Variants in GABARAPL1 observed in about 807,000 individuals in gnomAD.
The protein encoded by GABARAPL1 is GABA type A receptor associated protein like 1.
GABARAPL1 carries 4 observed loss-of-function variants against 14.5 expected under a neutral mutation model. That is an observed-to-expected ratio of 0.28 (90% CI 0.14 to 0.63). The LOEUF (loss-of-function observed/expected upper bound fraction) is 0.63. GABARAPL1 is among the 30% of genes least tolerant of loss of function. GABARAPL1 has a pLI of 0.84. For synonymous variants in GABARAPL1, 47 were observed against 50.6 expected, an observed-to-expected ratio of 0.93 and a Z score of 0.30; for missense variants, 82 against 139.2, an observed-to-expected ratio of 0.59 and a Z score of 2.07.
intron 1 of GABARAPL1, among the ~76,000 whole-genome samples, chr12:10,215,381 A>G (rs138264228): frequency 6.6e-6 from 1 of 152,334 alleles, no homozygotes; most frequent in African/African-American, 2.4e-5. Flanking sequence ...ATTATCTTCA[A>G]AGATACAACA....
At chr12:10,221,209 T>A in intron 3 of GABARAPL1, 1 of 976,240 alleles carries the variant, frequency 1.0e-6, no homozygotes, top group South Asian at 4.7e-5. Flanking sequence ...TAAGGCAAAG[T>A]CTGTAAATGG....
Position 10,213,030 on chromosome 12 carries a change from T to G in GABARAPL1, c.-100T>G. ...CCCCCGGAGCGGACGTTTCTGCAGC[T>G]ATTCTGAGCACACCTTGACGTCGGC... On this transcript the variant is annotated 5_prime_UTR_variant, in exon 1 of 4. Coordinates refer to ENST00000266458, the MANE Select transcript of GABARAPL1 (RefSeq NM_031412.4). 2.9e-6 allele frequency: 2 copies of G among 678,554 alleles called. No individual in the cohort carries two copies. Among genetic ancestry groups the G allele is most frequent in the Non-Finnish European group, 5.3e-6 (2 of 377,962 alleles). The allele number at this position is 678,554 out of a possible 1,614,324, so 42.0% of individuals were successfully genotyped here. A position where few individuals can be genotyped will look rare whatever the true frequency, so the allele number is the denominator to read the frequency against.
chr12:10,216,360 A>T (rs1163241274), intron 1 of GABARAPL1, among the ~76,000 whole-genome samples: 2 of 151,724 alleles, frequency 1.3e-5, no homozygotes, highest in Admixed American at 6.6e-5. Flanking sequence ...GACACATGTG[A>T]CACTCGACCT....
At chr12:10,218,544 C>T (rs1034731211) in intron 2 of GABARAPL1, among the ~76,000 whole-genome samples, 2 of 151,882 alleles carry the variant, frequency 1.3e-5, no homozygotes, top group African/African-American at 4.8e-5. Flanking sequence ...CTGCACTCCA[C>T]CCTGGGCAAC....
At position 10,213,001 on chromosome 12, in the gene GABARAPL1, G is replaced by A; in HGVS notation, c.-129G>A. 1.5e-6 allele frequency: 1 copy of A among 648,314 alleles called. No individual in the cohort carries two copies. Among genetic ancestry groups the A allele is most frequent in the South Asian group, 1.8e-5 (1 of 55,922 alleles). 40.2% of individuals were successfully genotyped at this position (648,314 alleles called of 1,614,324 possible). On this transcript the variant is annotated 5_prime_UTR_variant, in exon 1 of 4. Transcript: ENST00000266458. ...CCCCCTGCACACTCGGCCCAGCGCT[G>A]TTGCCCCCGGAGCGGACGTTTCTGC... is the stretch of plus-strand genomic sequence containing the variant.
At chr12:10,218,218 G>A in intron 2 of GABARAPL1, 77 bp downstream of exon 2, 1 of 844,478 alleles carries the variant, frequency 1.2e-6, no homozygotes, top group Non-Finnish European at 2.1e-6. Context: ...ATGAGATTGT[G>A]AGATTGAGAG....
At chr12:10,213,266 G>T (rs1396826126) in intron 1 of GABARAPL1, 47 bp downstream of exon 1, 2 of 1,222,818 alleles carry the variant, frequency 1.6e-6, no homozygotes, top group East Asian at 5.0e-5. Flanking sequence ...GGCCCGCGGG[G>T]GCGGGGGCGG....
intron 1 of GABARAPL1, among the ~76,000 whole-genome samples, chr12:10,216,275 G>T (rs1382276443): frequency 6.6e-6 from 1 of 151,944 alleles, no homozygotes; most frequent in African/African-American, 2.4e-5. Context: ...GGAGGCTGAG[G>T]CAGGAGAATC....
Position 10,221,863 on chromosome 12 carries a change from G to C in GABARAPL1, c.*11G>C. The stretch of plus-strand genomic sequence containing the variant: ...GTCTATGGGAAATGAGTGGTTGGAA[G>C]CCCAGCAGATGGGAGCACCTGGACT... On this transcript the variant is annotated 3_prime_UTR_variant, in exon 4 of 4. Coordinates refer to ENST00000266458, the MANE Select transcript of GABARAPL1 (RefSeq NM_031412.4). 6.2e-7 allele frequency: 1 copy of C among 1,613,788 alleles called. No homozygotes were observed. The highest frequency in any genetic ancestry group is 8.5e-7 in the Non-Finnish European group (1 of 1,179,762).
chr12:10,217,921 T>G, intron 1 of GABARAPL1, 142 bp from the exon 2 acceptor site: 1 of 618,540 alleles, frequency 1.6e-6, no homozygotes. Flanking sequence ...TTATAAGGGG[T>G]GGGGGGATAA....
intron 1 of GABARAPL1, chr12:10,214,511 T>C (rs1949077261): frequency 6.6e-6 from 1 of 152,256 alleles, no homozygotes; most frequent in Admixed American, 6.5e-5. Context: ...GGACCTTGGA[T>C]ACCTGAAAAT....
chr12:10,215,624 CCCTT>C (rs912128831), intron 1 of GABARAPL1, among the ~76,000 whole-genome samples: 1 of 152,096 alleles, frequency 6.6e-6, no homozygotes, highest in African/African-American at 2.4e-5. Context: ...CCAAACCCCT[CCCTT>C]CCCTCCAGGT....
rs1033763715 is a variant in GABARAPL1, at chr12:10,222,908, A to G, written c.*1056A>G. ...TTGGAGGGATGACTTTTAGTAAATC[A>G]TGGGGATTTTATTGATTTATTTTCA... On this transcript the variant is annotated 3_prime_UTR_variant, in exon 4 of 4. Transcript: ENST00000266458. 1.3e-5 allele frequency: 2 copies of G among 152,578 alleles called. No individual in the cohort carries two copies. Among genetic ancestry groups the G allele is most frequent in the African/African-American group, 2.4e-5 (1 of 41,432 alleles). The allele number at this position is 152,578 out of a possible 1,614,324, so 9.5% of individuals were successfully genotyped here.
chr12:10,222,098 T>C lies in GABARAPL1; in HGVS notation c.*246T>C, dbSNP rs1949122947. 1 of 512,934 alleles carries C rather than the reference T, an allele frequency of 1.9e-6. No homozygotes were observed. The highest frequency in any genetic ancestry group is 1.9e-5 in the African/African-American group (1 of 51,942). 31.8% of individuals were successfully genotyped at this position (512,934 alleles called of 1,614,324 possible). ...TGTTGGATTGGCTTTGATAGAGGAATGGGGATGATGTAAGTTTACAGTATT... is the reference window on the plus strand; with the variant it reads ...TGTTGGATTGGCTTTGATAGAGGAACGGGGATGATGTAAGTTTACAGTATT... On this transcript the variant is annotated 3_prime_UTR_variant, in exon 4 of 4. Coordinates refer to ENST00000266458, the MANE Select transcript of GABARAPL1 (RefSeq NM_031412.4).
intron 1 of GABARAPL1, among the ~76,000 whole-genome samples, chr12:10,216,243 C>A (rs538733943): frequency 1.3e-5 from 2 of 151,898 alleles, no homozygotes; most frequent in Non-Finnish European, 2.9e-5. Context: ...TGGTGGCATG[C>A]GCCTGTAATC....
At chr12:10,220,756 G>A in intron 3 of GABARAPL1, 198 bp downstream of exon 3, 1 of 1,497,326 alleles carries the variant, frequency 6.7e-7, no homozygotes, top group Non-Finnish European at 8.9e-7. Context: ...CACTCTACTA[G>A]ATTTAATCCT....
chr12:10,216,972 T>A (rs73264778), intron 1 of GABARAPL1, among the ~76,000 whole-genome samples: 3,845 of 152,300 alleles, frequency 0.025, 166 homozygotes, highest in African/African-American at 0.087. Context: ...CATGATTTTT[T>A]TACAACTTGA....
At chr12:10,220,993 C>G in intron 3 of GABARAPL1, 2 of 985,380 alleles carry the variant, frequency 2.0e-6, no homozygotes, top group South Asian at 4.7e-5. Context: ...AATAGTAAAG[C>G]CAGCTCCTTC....
chr12:10,220,297 T>G, intron 2 of GABARAPL1, 143 bp from the exon 3 acceptor site: 2 of 1,141,002 alleles, frequency 1.8e-6, no homozygotes, highest in Non-Finnish European at 2.5e-6. Flanking sequence ...AGGCCGGTAT[T>G]TGGCTCTTCT....
Sources: gnomAD v4.1 joint callset for allele counts (sites outside exome capture counted in the v4.1 genomes callset) on GRCh38, gnomAD v4.1.1 for gene constraint, MANE v1.5 for transcripts, NCBI Gene and HGNC (gene_info 2026-07-23, HGNC 2026-07-21) for gene names.